CAPN7: variants seen among roughly 807,000 people sequenced by gnomAD.
The protein encoded by CAPN7 is calpain 7.
In CAPN7, 72 loss-of-function variants were observed where a neutral mutation model predicts 115.2. The ratio of observed to expected loss-of-function variants is 0.63; its 90% CI spans 0.52 to 0.76. CAPN7 has a LOEUF of 0.76. Among genes scored for constraint, CAPN7 ranks in the 30% least tolerant of loss-of-function variants. The pLI is 0.00. For missense variants in CAPN7, 905 were observed against 971.5 expected, an observed-to-expected ratio of 0.93 and a Z score of 0.91; for synonymous variants, 344 against 322.3, an observed-to-expected ratio of 1.07 and a Z score of -0.72.
rs987643156 is a variant in CAPN7 at position 15,241,547 on chromosome 3, G to A, written c.1747G>A (p.Ala583Thr). 3.7e-6 allele frequency: 6 copies of A among 1,613,962 alleles called. No homozygotes were observed. The highest frequency in any genetic ancestry group is 5.1e-6 in the Non-Finnish European group (6 of 1,180,000). Residue 583 changes from alanine to threonine, a missense_variant, in exon 15 of 21, where the codon GCT becomes ACT. Physicochemically the swap from Ala to Thr is moderately conservative, Grantham distance 58. Transcript: ENST00000253693. ...KLEVQCPQGG[A>T]AVWVLLSRHI... is the part of the protein sequence containing the mutation. ...GGAGGTGCAGTGTCCACAGGGGGGT[G>A]CTGCAGTTTGGGTTTTGCTTAGTAG...
chr3:15,252,427 G>A lies in CAPN7; in HGVS notation c.*1167G>A, dbSNP rs920434888. 1 of 152,526 alleles carries A rather than the reference G, an allele frequency of 6.6e-6. No individual in the cohort carries two copies. The highest frequency in any genetic ancestry group is 2.4e-5 in the African/African-American group (1 of 41,434). 9.4% of individuals were successfully genotyped at this position (152,526 alleles called of 1,614,324 possible). A position where few individuals can be genotyped will look rare whatever the true frequency, so the allele number is the denominator to read the frequency against. On this transcript the variant is annotated 3_prime_UTR_variant, in exon 21 of 21. Coordinates refer to ENST00000253693, the MANE Select transcript of CAPN7 (RefSeq NM_014296.3). Reference sequence around the variant, plus strand: ...AAATCTGTTCTTTAACAGAGTAGTGGTAGATTATTACACTAATGAGATTTC... The same window carrying A: ...AAATCTGTTCTTTAACAGAGTAGTGATAGATTATTACACTAATGAGATTTC...
intron 19 of CAPN7, 129 bp from the exon 20 acceptor site, chr3:15,250,798 TAGAG>T: frequency 3.2e-6 from 2 of 628,060 alleles, no homozygotes; most frequent in South Asian, 4.3e-5. Flanking sequence ...TGATCAAAAA[TAGAG>T]TGTGTATGTT....
chr3:15,226,569 A>G (rs1694328799), intron 6 of CAPN7, among the ~76,000 whole-genome samples: 1 of 152,162 alleles, frequency 6.6e-6, no homozygotes, highest in Non-Finnish European at 1.5e-5. Context: ...AGCTGTCTTT[A>G]AACTCTTCTG....
rs566957976 is a variant in CAPN7 at position 15,229,561 on chromosome 3, C to CTTTTTTTTTTTTTTTTTTT, written c.938+512_938+530dup. Among the ~76,000 whole-genome samples, 12 of 87,836 alleles carry CTTTTTTTTTTTTTTTTTTT rather than the reference C, an allele frequency of 1.4e-4. 2 individuals are homozygous for CTTTTTTTTTTTTTTTTTTT. Among genetic ancestry groups the CTTTTTTTTTTTTTTTTTTT allele is most frequent in the African/African-American group, 4.1e-4 (10 of 24,232 alleles). 57.6% of individuals were successfully genotyped at this position (87,836 alleles called of 152,430 possible). On this transcript the variant is annotated intron_variant, in intron 8 of 20. Transcript: ENST00000253693. ...CATCAAAATTGGTTTTACTTTTTTT[C>CTTTTTTTTTTTTTTTTTTT]TTTTTTTTTTTTTTTTTTTTTTTTT...
At chr3:15,215,040 A>T (rs79650731) in intron 2 of CAPN7, among the ~76,000 whole-genome samples, 2 of 152,364 alleles carry the variant, frequency 1.3e-5, no homozygotes, top group African/African-American at 4.8e-5. Flanking sequence ...ACTGGGCTAG[A>T]TATTTCAACA....
intron 7 of CAPN7, 34 bp from the exon 8 acceptor site, chr3:15,228,940 T>G (rs773836587): frequency 6.8e-7 from 1 of 1,478,100 alleles, no homozygotes; most frequent in Non-Finnish European, 9.4e-7. Flanking sequence ...ATTACGTGAA[T>G]GAATATGAAT....
chr3:15,214,247 T>C (rs2124882639), intron 2 of CAPN7, among the ~76,000 whole-genome samples: 1 of 152,290 alleles, frequency 6.6e-6, no homozygotes, highest in South Asian at 2.1e-4. Context: ...GTTGAAGAAA[T>C]GGAGTATAAT....
At chr3:15,235,842 A>G (rs1019726611) in intron 12 of CAPN7, among the ~76,000 whole-genome samples, 1 of 152,148 alleles carries the variant, frequency 6.6e-6, no homozygotes, top group Non-Finnish European at 1.5e-5. Flanking sequence ...TCTAAAGCAT[A>G]GTAGACACTG....
chr3:15,207,578 G>A (rs1004512927), intron 1 of CAPN7, among the ~76,000 whole-genome samples: 8 of 151,282 alleles, frequency 5.3e-5, no homozygotes, highest in Admixed American at 1.3e-4. Flanking sequence ...AGCTTAAAAC[G>A]AACTTATTGT....
rs762429156 is a variant in CAPN7 at position 15,232,693 on chromosome 3, AC to A, written c.1179+29del. On this transcript the variant is annotated intron_variant, in intron 10 of 20. Coordinates refer to ENST00000253693, the MANE Select transcript of CAPN7 (RefSeq NM_014296.3). ...AAGTAATAGATAAGACGATCCAGAC[AC>A]AGATTTAAGCTATCTAATATAACTG... 1.9e-6 allele frequency: 3 copies of A among 1,570,072 alleles called. No homozygotes were observed. The Admixed American group carries it at 6.0e-5, about 31-fold the overall frequency.
In CAPN7 at chr3:15,232,580, A is replaced by G. The variant is rs201829521; in HGVS notation, c.1094A>G (p.Asn365Ser). ...HKGELLCSYS[N>S]NKSELWVSLI... The stretch of plus-strand genomic sequence containing the variant: ...GGAGAATTGCTCTGTTCTTATTCCA[A>G]CAACAAAAGTGAATTATGGGTTTCT... The change falls in exon 10 of 21, where the codon AAC becomes AGC. Residue 365 changes from asparagine (N) to serine (S), a missense_variant. This residue lies in a region of CAPN7 where 620 missense variants were observed against 703.4 expected (regional missense o/e 0.88). Coordinates refer to ENST00000253693, the MANE Select transcript of CAPN7 (RefSeq NM_014296.3). 2.4e-5 allele frequency: 38 copies of G among 1,612,852 alleles called. No individual in the cohort carries two copies. Among genetic ancestry groups the G allele is most frequent in the Admixed American group, 3.3e-5 (2 of 59,874 alleles).
chr3:15,218,656 C>G (rs2124904655), intron 4 of CAPN7, 116 bp downstream of exon 4: 1 of 739,468 alleles, frequency 1.4e-6, no homozygotes, highest in Non-Finnish European at 2.4e-6. Flanking sequence ...TAACTGTCAT[C>G]TGAAACAAAT....
At chr3:15,243,930 C>A (rs959207743) in intron 16 of CAPN7, among the ~76,000 whole-genome samples, 7 of 152,160 alleles carry the variant, frequency 4.6e-5, no homozygotes, top group African/African-American at 1.7e-4. Flanking sequence ...CATGTACCCC[C>A]AAACCTAAAA....
At chr3:15,235,691 A>C (rs908345309) in intron 12 of CAPN7, among the ~76,000 whole-genome samples, 1 of 152,182 alleles carries the variant, frequency 6.6e-6, no homozygotes, top group African/African-American at 2.4e-5. Flanking sequence ...ATGAGAATCT[A>C]ATGCCACCAC....
At chr3:15,233,810 G>C (rs1694833960) in intron 10 of CAPN7, 57 bp from the exon 11 acceptor site, 8 of 889,640 alleles carry the variant, frequency 9.0e-6, no homozygotes, top group Non-Finnish European at 1.5e-5. Context: ...TAGCTGCTCT[G>C]GGGATTTAAG....
intron 9 of CAPN7, chr3:15,232,055 T>C (rs1410205195): frequency 3.3e-6 from 1 of 304,290 alleles, no homozygotes; most frequent in Admixed American, 5.1e-5. Flanking sequence ...TCCGAAATAC[T>C]TGGGACCAGA....
chr3:15,215,141 C>G (rs1575163451), intron 2 of CAPN7, among the ~76,000 whole-genome samples: 1 of 152,158 alleles, frequency 6.6e-6, no homozygotes, highest in East Asian at 1.9e-4. Flanking sequence ...AACATCAGCA[C>G]AAACTGGGCA....
intron 1 of CAPN7, among the ~76,000 whole-genome samples, chr3:15,208,633 A>T (rs1448438519): frequency 1.3e-5 from 2 of 152,134 alleles, no homozygotes; most frequent in East Asian, 3.9e-4. Flanking sequence ...TTGGGCATTC[A>T]GTTGATTTTG....
At chr3:15,230,250 T>G (rs1468238643) in intron 8 of CAPN7, among the ~76,000 whole-genome samples, 192 bp from the exon 9 acceptor site, 1 of 152,230 alleles carries the variant, frequency 6.6e-6, no homozygotes, top group Non-Finnish European at 1.5e-5. Flanking sequence ...CTCAGAAAAT[T>G]ACTTACTAAT....
Sources: gnomAD v4.1 joint callset for allele counts (sites outside exome capture counted in the v4.1 genomes callset) on GRCh38, gnomAD v4.1.1 for gene constraint, gnomAD v4.1.1 regional missense constraint, MANE v1.5 for transcripts, NCBI Gene and HGNC (gene_info 2026-07-23, HGNC 2026-07-21) for gene names.